TLN2: variants seen among roughly 807,000 people sequenced by gnomAD.
The protein encoded by TLN2 is talin 2.
TLN2 carries 118 observed loss-of-function variants against 294.7 expected under a neutral mutation model. The observed-to-expected ratio is 0.40, with a 90% confidence interval of 0.34 to 0.47. The LOEUF is 0.47. TLN2 is among the 20% of genes least tolerant of loss of function. TLN2 has a pLI of 0.84. For synonymous variants in TLN2, 1,431 were observed against 1,304.5 expected, an observed-to-expected ratio of 1.10 and a Z score of -2.09; for missense variants, 3,083 against 3,282.2, an observed-to-expected ratio of 0.94 and a Z score of 1.48.
In TLN2 at chr15:62,708,623, AG is replaced by A. The variant is rs1168349668; in HGVS notation, c.2295del (p.Glu765AspfsTer3). ...TGCCAGGCGGCCACTACCGATAGTG[AG>A]CTCCTGAAGCAGGTCAGCGCAGCGG... is the stretch of plus-strand genomic sequence containing the variant. Reference protein sequence around the residue: ...RACQAATTDSELLKQVSAAAS... With the variant: ...RACQAATTDSXLLKQVSAAAS... On this transcript the variant is annotated frameshift_variant, in exon 21 of 59. Transcript: ENST00000636159. LOFTEE classifies it high-confidence loss of function. 1 of 1,614,114 alleles carries A rather than the reference AG, an allele frequency of 6.2e-7. No individual in the cohort carries two copies.
rs1298332422 is a variant in TLN2, at chr15:62,825,760, TA to T, written c.7002+5152del. ...TTTTTATATATATTAAATATAATTA[TA>T]ATTATATATTATATAATATATTATA... On this transcript the variant is annotated intron_variant, in intron 54 of 58. Coordinates refer to ENST00000636159, the MANE Select transcript of TLN2 (RefSeq NM_015059.3). Among the ~76,000 whole-genome samples, 46 of 94,128 alleles carry T rather than the reference TA, an allele frequency of 4.9e-4. No individual in the cohort carries two copies. The South Asian group carries it at 0.012, about 25-fold the overall frequency. The allele number at this position is 94,128 out of a possible 152,430, so 61.8% of individuals were successfully genotyped here.
At chr15:62,518,833 A>C (rs980912075) in intron 1 of TLN2, among the ~76,000 whole-genome samples, 1 of 151,884 alleles carries the variant, frequency 6.6e-6, no homozygotes, top group Non-Finnish European at 1.5e-5. Flanking sequence ...CTTGACCTTA[A>C]GTGATCCACC....
chr15:62,741,861 C>G (rs2061348286), intron 32 of TLN2, among the ~76,000 whole-genome samples: 1 of 150,810 alleles, frequency 6.6e-6, no homozygotes, highest in African/African-American at 2.4e-5. Context: ...ACTTGACTAA[C>G]TCAGTCGCAT....
chr15:62,452,183 G>T (rs1441007674), intron 1 of TLN2, among the ~76,000 whole-genome samples: 1 of 152,160 alleles, frequency 6.6e-6, no homozygotes, highest in Admixed American at 6.5e-5. Context: ...GGGTGCTTCT[G>T]CAGGGAGCCC....
rs60493917 is a variant in TLN2, at chr15:62,841,966, CCT to C, written c.*1377_*1378del. On this transcript the variant is annotated 3_prime_UTR_variant, in exon 59 of 59. Transcript: ENST00000636159. ...AACAGTTAAAGGCACTCACCCTCCG[CCT>C]CTCTCTCTCTCTCTCTCTCTGGTGT... The C allele has an allele frequency of 5.1e-3, 759 of 148,072 alleles. 2 individuals carry two copies. The highest frequency in any genetic ancestry group is 0.01 in the African/African-American group (416 of 40,668). 9.2% of individuals were successfully genotyped at this position (148,072 alleles called of 1,614,324 possible).
chr15:62,829,680 A>T (rs2068585255), intron 54 of TLN2: 1 of 152,216 alleles, frequency 6.6e-6, no homozygotes, highest in Non-Finnish European at 1.5e-5. Context: ...TAATTATTTT[A>T]AAATGTACAA....
At chr15:62,643,705 C>T (rs1214961818) in intron 3 of TLN2, among the ~76,000 whole-genome samples, 1 of 152,022 alleles carries the variant, frequency 6.6e-6, no homozygotes, top group Non-Finnish European at 1.5e-5. Flanking sequence ...TCTCTGAAGG[C>T]AGCAGAGGGG....
chr15:62,570,393 T>C (rs1416819201), intron 1 of TLN2, among the ~76,000 whole-genome samples: 5 of 152,204 alleles, frequency 3.3e-5, no homozygotes, highest in African/African-American at 1.2e-4. Flanking sequence ...ATCTAGACCC[T>C]CTTGTGTTCC....
intron 2 of TLN2, among the ~76,000 whole-genome samples, chr15:62,597,222 C>T (rs2140764060): frequency 6.6e-6 from 1 of 152,278 alleles, no homozygotes; most frequent in East Asian, 1.9e-4. Context: ...GGCAGCTGTA[C>T]CTTTAATTTT....
At chr15:62,543,493 C>G (rs2041816836) in intron 1 of TLN2, among the ~76,000 whole-genome samples, 1 of 151,972 alleles carries the variant, frequency 6.6e-6, no homozygotes, top group South Asian at 2.1e-4. Context: ...CGCGCTGGCT[C>G]ACGCCTATAA....
intron 1 of TLN2, among the ~76,000 whole-genome samples, chr15:62,395,930 G>C (rs963311436): frequency 2.0e-5 from 3 of 152,052 alleles, no homozygotes; most frequent in African/African-American, 7.2e-5. Context: ...CTGTCTCCTG[G>C]GTTCAAGTGA....
At chr15:62,493,549 A>G (rs780643555) in intron 1 of TLN2, among the ~76,000 whole-genome samples, 1 of 151,866 alleles carries the variant, frequency 6.6e-6, no homozygotes, top group Non-Finnish European at 1.5e-5. Flanking sequence ...AGGTCCCCCA[A>G]ATCCACTCAG....
intron 11 of TLN2, among the ~76,000 whole-genome samples, chr15:62,676,601 A>C (rs1308863086): frequency 1.3e-5 from 2 of 152,166 alleles, no homozygotes; most frequent in African/African-American, 4.8e-5. Flanking sequence ...CCCAAGGGTA[A>C]AACTACTACT....
intron 1 of TLN2, among the ~76,000 whole-genome samples, chr15:62,573,382 G>T (rs2044084838): frequency 6.6e-6 from 1 of 152,072 alleles, no homozygotes; most frequent in Non-Finnish European, 1.5e-5. Context: ...TGCATCATTA[G>T]AGATGGGTGC....
At chr15:62,667,885 G>A (rs1410141756) in intron 9 of TLN2, among the ~76,000 whole-genome samples, 2 of 152,216 alleles carry the variant, frequency 1.3e-5, no homozygotes, top group South Asian at 2.1e-4. Context: ...TGAAGATACT[G>A]CCATTTGTGA....
intron 1 of TLN2, among the ~76,000 whole-genome samples, chr15:62,539,738 G>A (rs542578173): frequency 2.6e-5 from 4 of 152,194 alleles, no homozygotes; most frequent in South Asian, 4.1e-4. Flanking sequence ...GCACTCATTG[G>A]GAGAGATTTC....
chr15:62,545,514 T>TGTGTGTG (rs2041944734), intron 1 of TLN2, among the ~76,000 whole-genome samples: 6 of 146,030 alleles, frequency 4.1e-5, no homozygotes, highest in Admixed American at 3.4e-4. Context: ...TTCTTTCTCT[T>TGTGTGTG]TGTGTGTGTG....
chr15:62,534,075 G>T (rs2041200123), intron 1 of TLN2, among the ~76,000 whole-genome samples: 2 of 152,142 alleles, frequency 1.3e-5, no homozygotes, highest in South Asian at 4.1e-4. Flanking sequence ...TCCAGTAGGA[G>T]CCTGAGGATC....
chr15:62,412,010 G>A (rs1043597124), intron 1 of TLN2, among the ~76,000 whole-genome samples: 2 of 152,136 alleles, frequency 1.3e-5, no homozygotes, highest in South Asian at 2.1e-4. Context: ...ATGCTCTGGC[G>A]TATTTAACAG....
Sources: allele counts gnomAD v4.1 joint callset (sites outside exome capture counted in the v4.1 genomes callset), GRCh38; gene constraint gnomAD v4.1.1; transcripts MANE v1.5; gene names NCBI Gene and HGNC (gene_info 2026-07-23, HGNC 2026-07-21).